The following ZNF750 variants were observed in gnomAD, a reference collection of about 807,000 sequenced individuals.
ZNF750 encodes zinc finger protein 750, also known as protein ZNF750.
Under a neutral mutation model 31.6 loss-of-function variants are expected in ZNF750, and 10 were observed. That is an observed-to-expected ratio of 0.32 (90% confidence interval 0.19 to 0.54). ZNF750 has a LOEUF of 0.54. Ranked by LOEUF, ZNF750 falls within the 20% of genes least tolerant of loss-of-function variation. The pLI is 0.95. For missense variants in ZNF750, 914 were observed against 934.9 expected (o/e 0.98, Z 0.29); for synonymous variants, 400 against 404.9 (o/e 0.99, Z 0.15).
chr17:82,834,136 C>T (rs140139869), intron 1 of ZNF750, among the ~76,000 whole-genome samples: 2,500 of 152,144 alleles, frequency 0.016, 83 homozygotes, highest in African/African-American at 0.057. Context: ...TTAGTAGAGA[C>T]GGGGTTTTGC....
chr17:82,836,953 GA>G (rs2054037583), intron 1 of ZNF750, among the ~76,000 whole-genome samples: 1 of 152,140 alleles, frequency 6.6e-6, no homozygotes, highest in African/African-American at 2.4e-5. Context: ...AGAGTGTTTG[GA>G]GCTCAATTGC....
At chr17:82,830,954 A>T in intron 2 of ZNF750, 65 bp downstream of exon 2, 1 of 1,613,406 alleles carries the variant, frequency 6.2e-7, no homozygotes, top group Non-Finnish European at 8.5e-7. Context: ...AGCAAGTATA[A>T]GCCTGGCTCA....
In ZNF750 at chr17:82,832,474, A is replaced by G. The variant is rs2145282957; in HGVS notation, c.-20T>C. 6.2e-7 allele frequency: 1 copy of G among 1,601,618 alleles called. No homozygotes were observed. The highest frequency in any genetic ancestry group is 2.2e-5 in the East Asian group (1 of 44,834). On this transcript the variant is annotated 5_prime_UTR_variant, in exon 2 of 3. Coordinates refer to ENST00000269394, the MANE Select transcript of ZNF750 (RefSeq NM_024702.3). This position sits in a 1 kb window ranked among gnomAD's most constrained non-coding sequence, Gnocchi z 4.9. The stretch of plus-strand genomic sequence containing the variant: ...ACTCATTTTCCTCCTTATGCCTTGG[A>G]CTCTGGCTGTCCAGGTGGCGTGATC...
chr17:82,831,067 T>A lies in ZNF750; in HGVS notation c.1388A>T (p.Glu463Val). ...TAFRPVKKST[E>V]CLPAQAAETT... The stretch of plus-strand genomic sequence containing the variant: ...CTCAGCAGCCTGGGCAGGTAGGCAT[T>A]CTGTGCTTTTCTTAACAGGCCTGAA... The change falls in exon 2 of 3, where the codon GAA (glutamate) becomes GTA (valine). Residue 463 changes from glutamate (E) to valine (V), a missense_variant. Physicochemically the swap from Glu to Val is moderately radical, Grantham distance 121. Transcript: ENST00000269394. The surrounding 1 kb of genome is among the most constrained non-coding windows in gnomAD (Gnocchi z 4.6). The A allele has an allele frequency of 1.2e-6, 2 of 1,614,196 alleles. No individual in the cohort carries two copies. Among genetic ancestry groups the A allele is most frequent in the Non-Finnish European group, 1.7e-6 (2 of 1,180,036 alleles).
At position 82,830,484 on chromosome 17, in the gene ZNF750, T is replaced by TGGG; in HGVS notation, c.1827_1829dup (p.Pro611dup). On this transcript the variant is annotated inframe_insertion, in exon 3 of 3. Transcript: ENST00000269394. ...GAGCCTCCTCGCCGGGGCCTGTGGG[T>TGGG]GGGGCCCCGTCACCGTCGAGGCTGC... The TGGG allele has an allele frequency of 6.2e-7, 1 of 1,613,112 alleles. No individual in the cohort carries two copies. The highest frequency in any genetic ancestry group is 8.5e-7 in the Non-Finnish European group (1 of 1,179,614).
chr17:82,830,430 C>T lies in ZNF750; in HGVS notation c.1884G>A (p.Glu628=), dbSNP rs1402397212. Residue 628 remains glutamate, a synonymous_variant, in exon 3 of 3, where the codon GAG becomes GAA. Transcript: ENST00000269394. The stretch of plus-strand genomic sequence containing the variant: ...CCACGGCTGCCGTCTGCTTCTGCTC[C>T]TCGCTGCTGTCCACCGCGCATGCGT... The part of the protein sequence containing the change: ...APDACAVDSS[E]EQKQTAAVAL... 2 of 1,611,700 alleles carry T rather than the reference C, an allele frequency of 1.2e-6. No homozygotes were observed. The highest frequency in any genetic ancestry group is 1.1e-5 in the South Asian group (1 of 91,070).
rs78474252 is a variant in ZNF750, at chr17:82,839,190, C to T, written c.-183+737G>A. Among the ~76,000 whole-genome samples, 1,130 of 152,242 alleles carry T rather than the reference C, an allele frequency of 7.4e-3. 12 individuals are homozygous for T. Among genetic ancestry groups the T allele is most frequent in the African/African-American group, 0.026 (1,080 of 41,496 alleles). On this transcript the variant is annotated intron_variant, in intron 1 of 2. Coordinates refer to ENST00000269394, the MANE Select transcript of ZNF750 (RefSeq NM_024702.3). ...TAAAAGTTAAACTAGATAGTAAATT[C>T]GGCACTGTCTAATGTGCATACACCA...
At position 82,830,642 on chromosome 17, in the gene ZNF750, G is replaced by C; in HGVS notation, c.1672C>G (p.Pro558Ala). The C allele has an allele frequency of 6.2e-7, 1 of 1,614,040 alleles. No homozygotes were observed. Among genetic ancestry groups the C allele is most frequent in the Non-Finnish European group, 8.5e-7 (1 of 1,179,944 alleles). The change falls in exon 3 of 3, where the codon CCC (proline) becomes GCC (alanine). Residue 558 changes from proline to alanine, a missense_variant. By Grantham distance (27) the Pro-to-Ala change is conservative. Around this residue, in one of 2 missense-constraint regions of ZNF750, gnomAD observed 880 missense variants for 868.9 expected, o/e 1.01. Coordinates refer to ENST00000269394, the MANE Select transcript of ZNF750 (RefSeq NM_024702.3). ...GGCCTCGGAGCCTGGGTGTTACAGG[G>C]GTCCTTCACCGAGAGATTGAGTGGA... ...DLPLNLSVKDPCNTQAPRPAF... is the reference protein window; with the variant it reads ...DLPLNLSVKDACNTQAPRPAF...
rs953376583 is a variant in ZNF750 at position 82,831,916 on chromosome 17, T to A, written c.539A>T (p.Glu180Val). The A allele has an allele frequency of 6.2e-7, 1 of 1,614,044 alleles. No individual in the cohort carries two copies. Among genetic ancestry groups the A allele is most frequent in the Non-Finnish European group, 8.5e-7 (1 of 1,180,040 alleles). ...LKGPDNAEAPETLALHNPTAK... is the reference protein window; with the variant it reads ...LKGPDNAEAPVTLALHNPTAK... The stretch of plus-strand genomic sequence containing the variant: ...AGTGGGGTTGTGTAAAGCCAGTGTC[T>A]CGGGCGCCTCGGCGTTGTCTGGCCC... The change falls in exon 2 of 3, where the codon GAG becomes GTG. Residue 180 changes from glutamate to valine, a missense_variant. Coordinates refer to ENST00000269394, the MANE Select transcript of ZNF750 (RefSeq NM_024702.3). The surrounding 1 kb of genome is among the most constrained non-coding windows in gnomAD (Gnocchi z 4.6).
intron 1 of ZNF750, chr17:82,838,543 T>C: frequency 1.6e-6 from 1 of 616,564 alleles, no homozygotes; most frequent in Non-Finnish European, 2.0e-6. Flanking sequence ...GTAATTACAA[T>C]ATTGTGATGT....
chr17:82,832,404 C>T lies in ZNF750; in HGVS notation c.51G>A (p.Arg17=), dbSNP rs1478423046. The T allele has an allele frequency of 3.7e-6, 6 of 1,614,092 alleles. No individual in the cohort carries two copies. The highest frequency in any genetic ancestry group is 1.7e-5 in the Admixed American group (1 of 60,024). The change falls in exon 2 of 3, where the codon AGG becomes AGA. Residue 17 remains arginine, a synonymous_variant. Coordinates refer to ENST00000269394, the MANE Select transcript of ZNF750 (RefSeq NM_024702.3). The surrounding 1 kb of genome is among the most constrained non-coding windows in gnomAD (Gnocchi z 4.9). ...TATACTTGAAGGGCTTTCCTGGAGGCCTGGGGATGTAATGTGGCTTTTTTG... is the reference window on the plus strand; with the variant it reads ...TATACTTGAAGGGCTTTCCTGGAGGTCTGGGGATGTAATGTGGCTTTTTTG... ...RKPKKPHYIP[R]PPGKPFKYKC...
At position 82,832,653 on chromosome 17, in the gene ZNF750, T is replaced by G; in HGVS notation, c.-182-17A>C. 1 of 620,668 alleles carries G rather than the reference T, an allele frequency of 1.6e-6. No individual in the cohort carries two copies. Among genetic ancestry groups the G allele is most frequent in the East Asian group, 2.8e-5 (1 of 36,142 alleles). The allele number at this position is 620,668 out of a possible 1,614,324, so 38.4% of individuals were successfully genotyped here. On this transcript the variant is annotated splice_polypyrimidine_tract_variant and intron_variant, in intron 1 of 2. Transcript: ENST00000269394. The surrounding 1 kb of genome is among the most constrained non-coding windows in gnomAD (Gnocchi z 4.9). Reference sequence around the variant, plus strand: ...GGCTGGGAGCTGTAATAAAGAGCAGTCTTGGTGTCAGGACAGCGAGTGAGG... The same window carrying G: ...GGCTGGGAGCTGTAATAAAGAGCAGGCTTGGTGTCAGGACAGCGAGTGAGG...
rs756774867 is a variant in ZNF750, at chr17:82,831,330, G to C, written c.1125C>G (p.Val375=). The change falls in exon 2 of 3, where the codon GTC becomes GTG. Residue 375 remains valine (V), a synonymous_variant. Coordinates refer to ENST00000269394, the MANE Select transcript of ZNF750 (RefSeq NM_024702.3). The surrounding 1 kb of genome is among the most constrained non-coding windows in gnomAD (Gnocchi z 4.6). The stretch of plus-strand genomic sequence containing the variant: ...CCTCAGGAATTGGACTTTCGAACTC[G>C]ACGTGTTTTCTGTTGGGGTCCGAAG... ...LNPSDPNRKH[V]EFESPIPEAK... is the part of the protein sequence containing the mutation. 8.1e-6 allele frequency: 13 copies of C among 1,614,024 alleles called. No homozygotes were observed. Among genetic ancestry groups the C allele is most frequent in the East Asian group, 4.5e-5 (2 of 44,876 alleles).
At position 82,830,011 on chromosome 17, in the gene ZNF750, GTTTGTTTT is replaced by G; in HGVS notation, c.*123_*130del. ...TGGAGGGTTTTTTGTTTGTTTGTTT[GTTTGTTTT>G]TTTGAGAAGCAGCAGCTGCATTTGT... On this transcript the variant is annotated 3_prime_UTR_variant, in exon 3 of 3. Transcript: ENST00000269394. 2.5e-5 allele frequency: 36 copies of G among 1,417,008 alleles called. No individual in the cohort carries two copies. The highest frequency in any genetic ancestry group is 1.5e-4 in the South Asian group (12 of 79,306). The allele number at this position is 1,417,008 out of a possible 1,614,324, so 87.8% of individuals were successfully genotyped here. A position where few individuals can be genotyped will look rare whatever the true frequency, so the allele number is the denominator to read the frequency against.
chr17:82,830,273 C>T lies in ZNF750; in HGVS notation c.2041G>A (p.Asp681Asn). Residue 681 changes from aspartate (D) to asparagine (N), a missense_variant, in exon 3 of 3, where the codon GAC (aspartate) becomes AAC (asparagine). Around this residue, in one of 2 missense-constraint regions of ZNF750, gnomAD observed 880 missense variants for 868.9 expected, o/e 1.01. Transcript: ENST00000269394. Reference protein sequence around the residue: ...SSMESQEAQCDLRPKGQKRTS... With the variant: ...SSMESQEAQCNLRPKGQKRTS... ...CTCTTTTGTCCTTTGGGTCTGAGGT[C>T]ACACTGGGCCTCTTGGCTCTCCATG... The T allele has an allele frequency of 1.2e-6, 2 of 1,614,212 alleles. No homozygotes were observed. Among genetic ancestry groups the T allele is most frequent in the East Asian group, 2.2e-5 (1 of 44,876 alleles).
rs569334034 is a variant in ZNF750, at chr17:82,833,050, C to T, written c.-182-414G>A. On this transcript the variant is annotated intron_variant, in intron 1 of 2. Transcript: ENST00000269394. The surrounding 1 kb of genome is among the most constrained non-coding windows in gnomAD (Gnocchi z 4.7). ...CCCAGGGTCTGGACAGAGTCCTGTC[C>T]CAGGGCTGCCCGACTCTGCTTGGGG... 6.6e-6 allele frequency among the ~76,000 whole-genome samples: 1 copy of T among 152,202 alleles called. No individual in the cohort carries two copies. Among genetic ancestry groups the T allele is most frequent in the East Asian group, 1.9e-4 (1 of 5,160 alleles).
Position 82,830,401 on chromosome 17 carries a change from A to G in ZNF750, c.1913T>C (p.Leu638Pro). 1 of 1,611,934 alleles carries G rather than the reference A, an allele frequency of 6.2e-7. No homozygotes were observed. Among genetic ancestry groups the G allele is most frequent in the Non-Finnish European group, 8.5e-7 (1 of 1,179,956 alleles). The change falls in exon 3 of 3, where the codon CTG becomes CCG. Residue 638 changes from leucine to proline, a missense_variant. Leu to Pro is a moderately conservative substitution (Grantham distance 98, BLOSUM62 -3). Coordinates refer to ENST00000269394, the MANE Select transcript of ZNF750 (RefSeq NM_024702.3). ...EEQKQTAAVA[L>P]CQLAAYSPRN... ...GGGGCTGTAGGCCGCCAGCTGGCAC[A>G]GGGCCACGGCTGCCGTCTGCTTCTG...
chr17:82,834,172 T>C (rs1308848753), intron 1 of ZNF750, among the ~76,000 whole-genome samples: 1 of 152,168 alleles, frequency 6.6e-6, no homozygotes, highest in Non-Finnish European at 1.5e-5. Flanking sequence ...GGTCTCGAGC[T>C]CCTGACCTCA....
Position 82,830,552 on chromosome 17 carries a change from C to T in ZNF750, c.1762G>A (p.Glu588Lys), listed in dbSNP as rs2145237407. Residue 588 changes from glutamate to lysine, a missense_variant, in exon 3 of 3, where the codon GAA becomes AAA. Coordinates refer to ENST00000269394, the MANE Select transcript of ZNF750 (RefSeq NM_024702.3). The part of the protein sequence containing the change: ...AAAVPQKTGT[E>K]GSEDGPSHPE... ...TGGCTGGGCCCATCCTCAGAACCTT[C>T]TGTCCCAGTCTTCTGTGGAACAGCA... 1 of 1,614,096 alleles carries T rather than the reference C, an allele frequency of 6.2e-7. No homozygotes were observed. Among genetic ancestry groups the T allele is most frequent in the Non-Finnish European group, 8.5e-7 (1 of 1,179,992 alleles).
Sources: allele counts gnomAD v4.1 joint callset (sites outside exome capture counted in the v4.1 genomes callset), GRCh38; gene constraint gnomAD v4.1.1; regional missense constraint gnomAD v4.1.1; non-coding constraint Gnocchi (gnomAD v3.1); transcripts MANE v1.5; gene names NCBI Gene and HGNC (gene_info 2026-07-23, HGNC 2026-07-21).